Variants in ACAT1 observed in about 807,000 individuals in gnomAD.
ACAT1 encodes the protein acetyl-CoA acetyltransferase, mitochondrial.
Under a neutral mutation model 47.3 loss-of-function variants are expected in ACAT1, and 28 were observed. That is an observed-to-expected ratio of 0.59 (90% confidence interval 0.44 to 0.81). The LOEUF is 0.81. ACAT1 is among the 30% of genes least tolerant of loss of function. The pLI, the probability that ACAT1 is intolerant of heterozygous loss-of-function variation, is 0.00. For missense variants in ACAT1, 469 were observed against 524.3 expected (o/e 0.89, Z 1.03); for synonymous variants, 181 against 173.6 (o/e 1.04, Z -0.34).
chr11:108,119,207 T>C (rs2077109235), upstream of ACAT1, among the ~76,000 whole-genome samples: 1 of 152,152 alleles, frequency 6.6e-6, no homozygotes, highest in Non-Finnish European at 1.5e-5. Flanking sequence ...GTCTTTTTTT[T>C]TTTCTTCTTT....
upstream of ACAT1, among the ~76,000 whole-genome samples, chr11:108,120,881 A>C (rs573325039): frequency 1.4e-5 from 2 of 146,210 alleles, no homozygotes; most frequent in South Asian, 4.6e-4. Flanking sequence ...CAACATAGGG[A>C]GACCTAGTCT....
chr11:108,127,266 C>CT (rs566446640), intron 1 of ACAT1, among the ~76,000 whole-genome samples: 5,907 of 131,574 alleles, frequency 0.045, 417 homozygotes, highest in African/African-American at 0.15. Context: ...ACATAGAAGC[C>CT]TTTTTTTTTT....
chr11:108,126,512 T>C (rs1403283672), intron 1 of ACAT1, among the ~76,000 whole-genome samples: 1 of 152,216 alleles, frequency 6.6e-6, no homozygotes, highest in Non-Finnish European at 1.5e-5. Context: ...TAAATTATTT[T>C]AAGCAGTAGA....
At chr11:108,125,538 A>C (rs902906385) in intron 1 of ACAT1, among the ~76,000 whole-genome samples, 2 of 152,202 alleles carry the variant, frequency 1.3e-5, no homozygotes, top group African/African-American at 4.8e-5. Context: ...CTTTGAAGGA[A>C]ATAAAGATAT....
chr11:108,135,380 G>A, intron 5 of ACAT1, 138 bp downstream of exon 5: 2 of 705,738 alleles, frequency 2.8e-6, no homozygotes, highest in Non-Finnish European at 4.9e-6. Context: ...GCTCAAGAGT[G>A]TCTGGATTTG....
In ACAT1 at chr11:108,121,650, G is replaced by C. The variant is rs1240083923; in HGVS notation, c.44G>C (p.Arg15Pro). ...AALLRSGARSRSPLLRRLVQE... is the reference protein window; with the variant it reads ...AALLRSGARSPSPLLRRLVQE... ...CTTCTGCGCAGCGGCGCCCGCAGCC[G>C]CAGCCCCCTGCTCCGGAGGCTGGTG... Residue 15 changes from arginine (R) to proline (P), a missense_variant, in exon 1 of 12, where the codon CGC becomes CCC. Arg to Pro is a moderately radical substitution (Grantham distance 103). Coordinates refer to ENST00000265838, the MANE Select transcript of ACAT1 (RefSeq NM_000019.4). 1 of 1,549,974 alleles carries C rather than the reference G, an allele frequency of 6.5e-7. No individual in the cohort carries two copies. The highest frequency in any genetic ancestry group is 8.7e-7 in the Non-Finnish European group (1 of 1,147,394).
intron 5 of ACAT1, 41 bp from the exon 6 acceptor site, chr11:108,138,857 T>C: frequency 1.2e-6 from 2 of 1,614,012 alleles, no homozygotes; most frequent in East Asian, 2.2e-5. Context: ...GTTTGCAAAA[T>C]ATTTGTATTA....
Position 108,147,457 on chromosome 11 carries a change from C to T in ACAT1, c.*67C>T. On this transcript the variant is annotated 3_prime_UTR_variant, in exon 12 of 12. Coordinates refer to ENST00000265838, the MANE Select transcript of ACAT1 (RefSeq NM_000019.4). The stretch of plus-strand genomic sequence containing the variant: ...AGGCCTGCTGTAATCAGTGTGACTA[C>T]TGTGGGTCAGCTTATATTCAGATAA... 6.3e-7 allele frequency: 1 copy of T among 1,590,704 alleles called. No homozygotes were observed. The highest frequency in any genetic ancestry group is 8.6e-7 in the Non-Finnish European group (1 of 1,163,096).
chr11:108,146,285 C>T lies in ACAT1; in HGVS notation c.1089C>T (p.Asn363=). The change falls in exon 11 of 12, where the codon AAC becomes AAT. Residue 363 remains asparagine (N), a synonymous_variant. Coordinates refer to ENST00000265838, the MANE Select transcript of ACAT1 (RefSeq NM_000019.4). Reference sequence around the variant, plus strand: ...CCTTTAGTCTGGTTGTACTAGCAAACATTAAAATGTTGGAGATTGATCCCC... The same window carrying T: ...CCTTTAGTCTGGTTGTACTAGCAAATATTAAAATGTTGGAGATTGATCCCC... ...NEAFSLVVLA[N]IKMLEIDPQK... 6.2e-7 allele frequency: 1 copy of T among 1,613,862 alleles called. No individual in the cohort carries two copies. The highest frequency in any genetic ancestry group is 1.1e-5 in the South Asian group (1 of 91,078).
intron 5 of ACAT1, 64 bp downstream of exon 5, chr11:108,135,306 A>G (rs1591363884): frequency 1.7e-6 from 2 of 1,158,224 alleles, no homozygotes; most frequent in South Asian, 1.3e-5. Flanking sequence ...AGACACAAAA[A>G]TCTAGGCATA....
upstream of ACAT1, among the ~76,000 whole-genome samples, chr11:108,118,868 C>T (rs967478140): frequency 1.3e-5 from 2 of 152,208 alleles, no homozygotes; most frequent in Admixed American, 1.3e-4. Context: ...TCCTGATGAA[C>T]ATAGTGGCAC....
intron 8 of ACAT1, 26 bp downstream of exon 8, chr11:108,141,726 G>C: frequency 6.5e-7 from 1 of 1,544,264 alleles, no homozygotes. Context: ...TGAAGCATAA[G>C]AAAAAATTGA....
rs958577137 is a variant in ACAT1, at chr11:108,132,032, G to A, written c.120+78G>A. 1.5e-5 allele frequency: 13 copies of A among 891,420 alleles called. No individual in the cohort carries two copies. The African/African-American group carries it at 2.0e-4, about 14-fold the overall frequency. 55.2% of individuals were successfully genotyped at this position (891,420 alleles called of 1,614,324 possible). A position where few individuals can be genotyped will look rare whatever the true frequency, so the allele number is the denominator to read the frequency against. ...ATAAAAATGCATATACTTATGATTTGGATACATGTGAAAGTCAAAGCAGGA... is the reference window on the plus strand; with the variant it reads ...ATAAAAATGCATATACTTATGATTTAGATACATGTGAAAGTCAAAGCAGGA... On this transcript the variant is annotated intron_variant, in intron 2 of 11. Coordinates refer to ENST00000265838, the MANE Select transcript of ACAT1 (RefSeq NM_000019.4).
At chr11:108,130,439 G>T (rs1305515915) in intron 1 of ACAT1, among the ~76,000 whole-genome samples, 1 of 152,112 alleles carries the variant, frequency 6.6e-6, no homozygotes, top group African/African-American at 2.4e-5. Context: ...TGTCGCCCAG[G>T]CTGGAGTACA....
At chr11:108,124,176 A>T (rs2077205618) in intron 1 of ACAT1, among the ~76,000 whole-genome samples, 1 of 152,148 alleles carries the variant, frequency 6.6e-6, no homozygotes, top group African/African-American at 2.4e-5. Context: ...TTCTGCTGGG[A>T]TCCTGACCCC....
intron 6 of ACAT1, 164 bp from the exon 7 acceptor site, chr11:108,139,901 T>A (rs373511160): frequency 2.9e-4 from 214 of 732,652 alleles, no homozygotes; most frequent in Admixed American, 4.1e-4. Flanking sequence ...TCTGCCTGCC[T>A]TGGCCCCCCA....
At chr11:108,139,703 C>A (rs1353198581) in intron 6 of ACAT1, among the ~76,000 whole-genome samples, 2 of 151,988 alleles carry the variant, frequency 1.3e-5, no homozygotes, top group Non-Finnish European at 2.9e-5. Context: ...CTCTGTTGCC[C>A]AGGCTGGAGT....
intron 5 of ACAT1, among the ~76,000 whole-genome samples, chr11:108,138,396 CTACTT>C (rs1450591164): frequency 6.6e-6 from 1 of 150,970 alleles, no homozygotes; most frequent in Non-Finnish European, 1.5e-5. Flanking sequence ...ATCTCCGCCT[CTACTT>C]TTTTTTTTTT....
intron 5 of ACAT1, among the ~76,000 whole-genome samples, chr11:108,138,225 T>C (rs1259968255): frequency 6.6e-6 from 1 of 152,002 alleles, no homozygotes. Flanking sequence ...GACCTCGTGA[T>C]CAGCCCGCTT....
Sources: allele counts gnomAD v4.1 joint callset (sites outside exome capture counted in the v4.1 genomes callset), GRCh38; gene constraint gnomAD v4.1.1; transcripts MANE v1.5; gene names NCBI Gene and HGNC (gene_info 2026-07-23, HGNC 2026-07-21).